The following MIER1 variants were observed in gnomAD, a reference collection of about 807,000 sequenced individuals.
MIER1 encodes mesoderm induction early response protein 1.
MIER1 carries 40 observed loss-of-function variants against 75.7 expected under a neutral mutation model. The observed-to-expected ratio is 0.53, with a 90% confidence interval of 0.41 to 0.69. The LOEUF is 0.69. MIER1 is among the 30% of genes least tolerant of loss of function. The probability of loss-of-function intolerance (pLI) is 0.00; values close to 1 mark genes in which losing one functional copy is unlikely to be tolerated. For missense variants in MIER1, 574 were observed against 680.2 expected (o/e 0.84, Z 1.74); for synonymous variants, 213 against 223.4 (o/e 0.95, Z 0.42).
At chr1:66,948,244 G>A (rs2101542626) in intron 4 of MIER1, 2 of 932,398 alleles carry the variant, frequency 2.1e-6, no homozygotes, top group Non-Finnish European at 2.6e-6. Flanking sequence ...TCATGCATAT[G>A]ATTTCCTGTA....
intron 2 of MIER1, among the ~76,000 whole-genome samples, chr1:66,931,412 AT>A (rs978352536): frequency 2.0e-5 from 3 of 151,976 alleles, no homozygotes; most frequent in Admixed American, 6.6e-5. Flanking sequence ...ATGTATTTGG[AT>A]TTTTTTTATG....
intron 2 of MIER1, 82 bp downstream of exon 2, chr1:66,926,324 T>C (rs948897698): frequency 8.0e-6 from 9 of 1,126,522 alleles, no homozygotes; most frequent in African/African-American, 3.1e-5. Flanking sequence ...ACTCTTCTTA[T>C]ATGTTCCAGT....
chr1:66,969,581 G>T (rs72673725), intron 8 of MIER1, among the ~76,000 whole-genome samples: 37 of 138,998 alleles, frequency 2.7e-4, no homozygotes, highest in African/African-American at 8.8e-4. Flanking sequence ...AAAAATCATT[G>T]CCTGGTACAT....
intron 12 of MIER1, among the ~76,000 whole-genome samples, chr1:66,980,161 C>G (rs1213746674): frequency 6.6e-6 from 1 of 152,218 alleles, no homozygotes; most frequent in Non-Finnish European, 1.5e-5. Context: ...AGCCTTAGCA[C>G]CTGAAGTCCC....
At chr1:66,948,340 T>A (rs1177232707) in intron 4 of MIER1, 1 of 540,352 alleles carries the variant, frequency 1.9e-6, no homozygotes, top group African/African-American at 2.1e-5. Flanking sequence ...AAATGAATGC[T>A]TATACTTTTA....
At chr1:66,928,554 A>C (rs1244342863) in intron 2 of MIER1, among the ~76,000 whole-genome samples, 1 of 152,124 alleles carries the variant, frequency 6.6e-6, no homozygotes, top group East Asian at 1.9e-4. Flanking sequence ...GTCTGTACCC[A>C]CCTCAGGTCC....
chr1:66,980,775 A>G lies in MIER1; in HGVS notation c.1230-1004A>G, dbSNP rs141004167. 1.7e-3 allele frequency among the ~76,000 whole-genome samples: 263 copies of G among 151,136 alleles called. 2 individuals are homozygous for G. The highest frequency in any genetic ancestry group is 6.0e-3 in the African/African-American group (249 of 41,158). The stretch of plus-strand genomic sequence containing the variant: ...AAACAAAGTAGACTAAAAATTCCTG[A>G]CCTTGGGGAATTCTAGTGCAGTATC... On this transcript the variant is annotated intron_variant, in intron 12 of 13. Coordinates refer to ENST00000401041, the MANE Select transcript of MIER1 (RefSeq NM_001077700.3).
intron 12 of MIER1, among the ~76,000 whole-genome samples, chr1:66,980,920 CTA>C (rs1570539553): frequency 6.6e-6 from 1 of 151,894 alleles, no homozygotes; most frequent in African/African-American, 2.4e-5. Flanking sequence ...GTCATAGACA[CTA>C]TGTAAACAAA....
chr1:66,931,865 G>T (rs1653465019), intron 2 of MIER1, among the ~76,000 whole-genome samples: 1 of 152,146 alleles, frequency 6.6e-6, no homozygotes, highest in Admixed American at 6.5e-5. Context: ...TGTCTTCAGT[G>T]GACCCCTTTC....
At chr1:66,977,113 CTT>C (rs777495629) in intron 12 of MIER1, among the ~76,000 whole-genome samples, 6 of 144,002 alleles carry the variant, frequency 4.2e-5, no homozygotes, top group Admixed American at 6.9e-5. Flanking sequence ...TTTTAATCTT[CTT>C]TTTTTTTTTT....
chr1:66,958,990 G>C lies in MIER1; in HGVS notation c.634+7G>C. Reference sequence around the variant, plus strand: ...TGTAAATATTTTGATACAAGTAAGTGTTACTGGTTGATAATATTTGAATAT... The same window carrying C: ...TGTAAATATTTTGATACAAGTAAGTCTTACTGGTTGATAATATTTGAATAT... On this transcript the variant is annotated splice_region_variant and intron_variant, in intron 6 of 13. Transcript: ENST00000401041. 6.2e-7 allele frequency: 1 copy of C among 1,608,732 alleles called. No individual in the cohort carries two copies. Among genetic ancestry groups the C allele is most frequent in the Non-Finnish European group, 8.5e-7 (1 of 1,176,496 alleles).
At chr1:66,930,153 T>G in intron 2 of MIER1, 1 of 1,215,330 alleles carries the variant, frequency 8.2e-7, no homozygotes, top group Non-Finnish European at 1.0e-6. Context: ...GCGCCCCTGC[T>G]CCGGCGCGTG....
intron 9 of MIER1, 130 bp from the exon 10 acceptor site, chr1:66,971,525 T>C: frequency 1.8e-6 from 1 of 567,924 alleles, no homozygotes; most frequent in South Asian, 2.0e-5. Context: ...GTTCTCTATA[T>C]ATAACATTCA....
intron 12 of MIER1, among the ~76,000 whole-genome samples, chr1:66,981,088 T>TAGAC (rs1665781693): frequency 3.8e-5 from 2 of 53,328 alleles, no homozygotes; most frequent in African/African-American, 8.5e-4. Flanking sequence ...CCATGTGTGT[T>TAGAC]AGACATATGA....
intron 9 of MIER1, 51 bp from the exon 10 acceptor site, chr1:66,971,604 A>T: frequency 1.1e-6 from 1 of 905,086 alleles, no homozygotes; most frequent in Non-Finnish European, 1.7e-6. Context: ...AAATTGTAGC[A>T]TTGAACTGTT....
intron 7 of MIER1, among the ~76,000 whole-genome samples, chr1:66,962,599 T>G (rs980498413): frequency 1.3e-5 from 2 of 152,082 alleles, no homozygotes; most frequent in African/African-American, 4.8e-5. Flanking sequence ...AGAGAATTGC[T>G]TGAGCCTGGG....
At chr1:66,936,818 T>G (rs568976944) in intron 2 of MIER1, among the ~76,000 whole-genome samples, 7 of 150,450 alleles carry the variant, frequency 4.7e-5, no homozygotes, top group Non-Finnish European at 4.5e-5. Flanking sequence ...GGCCAACATG[T>G]GTGAAACCCA....
At position 66,984,552 on chromosome 1, in the gene MIER1, T is replaced by A; in HGVS notation, c.1370-20T>A. 1 of 1,527,762 alleles carries A rather than the reference T, an allele frequency of 6.5e-7. No homozygotes were observed. Among genetic ancestry groups the A allele is most frequent in the Admixed American group, 2.2e-5 (1 of 45,390 alleles). The allele number at this position is 1,527,762 out of a possible 1,614,324, so 94.6% of individuals were successfully genotyped here. A position where few individuals can be genotyped will look rare whatever the true frequency, so the allele number is the denominator to read the frequency against. On this transcript the variant is annotated intron_variant, in intron 13 of 13. Coordinates refer to ENST00000401041, the MANE Select transcript of MIER1 (RefSeq NM_001077700.3). ...AACTTTTTTCTAATTGTGGTTTCAT[T>A]TATATTTCTTTCAACTTAGGAGTGT... is the stretch of plus-strand genomic sequence containing the variant.
In MIER1 at chr1:66,973,375, T is replaced by C. The variant is rs147965136; in HGVS notation, c.1101+384T>C. Among the ~76,000 whole-genome samples, 536 of 152,238 alleles carry C rather than the reference T, an allele frequency of 3.5e-3. 2 individuals carry two copies. Among genetic ancestry groups the C allele is most frequent in the African/African-American group, 0.012 (512 of 41,570 alleles). On this transcript the variant is annotated intron_variant, in intron 11 of 13. Coordinates refer to ENST00000401041, the MANE Select transcript of MIER1 (RefSeq NM_001077700.3). Reference sequence around the variant, plus strand: ...CTTTCAATATGACATTATTTGCAGTTAAAATATTTATTACATTTGCTTAAG... The same window carrying C: ...CTTTCAATATGACATTATTTGCAGTCAAAATATTTATTACATTTGCTTAAG...
Sources: gnomAD v4.1 joint callset for allele counts (sites outside exome capture counted in the v4.1 genomes callset) on GRCh38, gnomAD v4.1.1 for gene constraint, MANE v1.5 for transcripts, NCBI Gene and HGNC (gene_info 2026-07-23, HGNC 2026-07-21) for gene names.